KCNIP1: variants seen among roughly 807,000 people sequenced by gnomAD.
The protein encoded by KCNIP1 is A-type potassium channel modulatory protein KCNIP1.
Under a neutral mutation model 33.0 loss-of-function variants are expected in KCNIP1, and 18 were observed. The observed-to-expected ratio is 0.55, with a 90% CI of 0.38 to 0.81. KCNIP1 has a LOEUF of 0.81. Ranked by LOEUF, KCNIP1 falls within the 30% of genes least tolerant of loss-of-function variation. KCNIP1 has a pLI of 0.00. For synonymous variants in KCNIP1, 93 were observed against 98.3 expected (o/e 0.95, Z 0.32); for missense variants, 238 against 271.6 (o/e 0.88, Z 0.87).
rs542032771 is a variant in KCNIP1 at position 170,691,849 on chromosome 5, C to T, written c.62-26909C>T. On this transcript the variant is annotated intron_variant, in intron 1 of 7. Transcript: ENST00000328939. ...CAGGGCAAGGTCCTGGAGGGGGCGC[C>T]GAAACACCACTCGAGATCCTCACTC... Among the ~76,000 whole-genome samples, 29 of 141,322 alleles carry T rather than the reference C, an allele frequency of 2.1e-4. No homozygotes were observed. In the South Asian group the frequency reaches 6.4e-3, roughly 31 times the overall value. 92.7% of individuals were successfully genotyped at this position (141,322 alleles called of 152,430 possible).
At chr5:170,570,120 G>A (rs1199406785) in intron 1 of KCNIP1, among the ~76,000 whole-genome samples, 1 of 152,144 alleles carries the variant, frequency 6.6e-6, no homozygotes, top group East Asian at 1.9e-4. Context: ...AGCTCTCCCA[G>A]TAACTGGCTG....
intron 1 of KCNIP1, among the ~76,000 whole-genome samples, chr5:170,635,638 C>CT (rs1760251523): frequency 6.6e-6 from 1 of 152,248 alleles, no homozygotes; most frequent in African/African-American, 2.4e-5. Flanking sequence ...ATCAGCCTCC[C>CT]TGCACTGTAA....
rs569026091 is a variant in KCNIP1, at chr5:170,485,616, C to A, written c.88+131652C>A. ...GAGTCTCCACCAGGCCCACCCTCCG[C>A]CTCTCAGGGCTGAGCTTCACTTCCC... On this transcript the variant is annotated intron_variant, in intron 1 of 7. Transcript: ENST00000377360. Among the ~76,000 whole-genome samples, 3 of 152,338 alleles carry A rather than the reference C, an allele frequency of 2.0e-5. No individual in the cohort carries two copies. In the East Asian group the frequency reaches 5.8e-4, roughly 29 times the overall value.
At chr5:170,364,829 A>G (rs936071941) in intron 1 of KCNIP1, among the ~76,000 whole-genome samples, 4 of 152,240 alleles carry the variant, frequency 2.6e-5, no homozygotes, top group Non-Finnish European at 5.9e-5. Flanking sequence ...ACACACATAG[A>G]TAATGGCCTG....
chr5:170,365,997 T>C (rs920453168), intron 1 of KCNIP1, among the ~76,000 whole-genome samples: 2 of 152,166 alleles, frequency 1.3e-5, no homozygotes, highest in Admixed American at 6.5e-5. Context: ...GGACCTCCCA[T>C]GTCTTGGGAA....
At chr5:170,650,928 G>A (rs759300656) in intron 1 of KCNIP1, among the ~76,000 whole-genome samples, 4 of 152,188 alleles carry the variant, frequency 2.6e-5, no homozygotes, top group Non-Finnish European at 5.9e-5. Context: ...AAATATGCAA[G>A]GAGAATAACA....
chr5:170,401,542 T>C (rs1374887060), intron 1 of KCNIP1, among the ~76,000 whole-genome samples: 2 of 152,092 alleles, frequency 1.3e-5, no homozygotes, highest in Admixed American at 6.5e-5. Context: ...GACGAGAAGA[T>C]TGCTTGAGCC....
chr5:170,616,001 A>G (rs1369345063), intron 1 of KCNIP1, among the ~76,000 whole-genome samples: 1 of 152,178 alleles, frequency 6.6e-6, no homozygotes, highest in Non-Finnish European at 1.5e-5. Context: ...GTTTGGGAAC[A>G]AGACCACTTT....
chr5:170,682,752 A>G (rs556619197), intron 1 of KCNIP1, among the ~76,000 whole-genome samples: 1 of 148,214 alleles, frequency 6.7e-6, no homozygotes, highest in East Asian at 2.0e-4. Context: ...AAGATTGCAC[A>G]TTAATGCAAC....
intron 1 of KCNIP1, among the ~76,000 whole-genome samples, chr5:170,570,834 C>A (rs1757380851): frequency 6.6e-6 from 1 of 152,218 alleles, no homozygotes; most frequent in African/African-American, 2.4e-5. Flanking sequence ...AATTCATAAC[C>A]AAGTCAACTG....
At chr5:170,566,614 C>CT (rs1757214066) in intron 1 of KCNIP1, among the ~76,000 whole-genome samples, 1 of 152,122 alleles carries the variant, frequency 6.6e-6, no homozygotes, top group Non-Finnish European at 1.5e-5. Context: ...CAGGAGACCT[C>CT]GTAGTCTACA....
At chr5:170,628,869 G>A (rs1161903842) in intron 1 of KCNIP1, among the ~76,000 whole-genome samples, 3 of 152,176 alleles carry the variant, frequency 2.0e-5, no homozygotes, top group East Asian at 3.9e-4. Context: ...CCAGCCCCCT[G>A]AGGGGAGCTC....
At chr5:170,472,337 C>A (rs1437215488) in intron 1 of KCNIP1, among the ~76,000 whole-genome samples, 1 of 152,208 alleles carries the variant, frequency 6.6e-6, no homozygotes, top group African/African-American at 2.4e-5. Context: ...TGGGGCGGCG[C>A]CTGCCCCACA....
At chr5:170,551,490 G>C (rs192039711) in intron 1 of KCNIP1, among the ~76,000 whole-genome samples, 31 of 152,332 alleles carry the variant, frequency 2.0e-4, no homozygotes, top group Non-Finnish European at 4.0e-4. Context: ...CCCAGGTTCT[G>C]TGTTGCCCAC....
chr5:170,678,927 C>A (rs1762236357), intron 1 of KCNIP1: 2 of 152,188 alleles, frequency 1.3e-5, no homozygotes, highest in African/African-American at 2.4e-5. Flanking sequence ...TATTGACTTA[C>A]CAGAAACATG....
At chr5:170,455,510 T>G (rs1756351645) in intron 1 of KCNIP1, among the ~76,000 whole-genome samples, 1 of 152,216 alleles carries the variant, frequency 6.6e-6, no homozygotes, top group African/African-American at 2.4e-5. Context: ...GGCCCACATA[T>G]TCTTCTTAAG....
intron 1 of KCNIP1, among the ~76,000 whole-genome samples, chr5:170,393,586 T>G (rs1345726639): frequency 6.6e-6 from 1 of 152,180 alleles, no homozygotes; most frequent in Non-Finnish European, 1.5e-5. Context: ...AAAGATGTGT[T>G]TTAAATGAGA....
chr5:170,676,775 C>T (rs1251149933), intron 1 of KCNIP1, among the ~76,000 whole-genome samples: 1 of 152,140 alleles, frequency 6.6e-6, no homozygotes, highest in African/African-American at 2.4e-5. Context: ...CGGGGCCTCT[C>T]CATTTACTTC....
At chr5:170,593,616 C>A (rs1758342193) in intron 1 of KCNIP1, among the ~76,000 whole-genome samples, 1 of 152,184 alleles carries the variant, frequency 6.6e-6, no homozygotes, top group Non-Finnish European at 1.5e-5. Flanking sequence ...TAGAAGTATT[C>A]AAGGGAGAAT....
Sources: gnomAD v4.1 joint callset for allele counts (sites outside exome capture counted in the v4.1 genomes callset) on GRCh38, gnomAD v4.1.1 for gene constraint, MANE v1.5 for transcripts, NCBI Gene and HGNC (gene_info 2026-07-23, HGNC 2026-07-21) for gene names.